The following ADGRG6 variants were observed in gnomAD, a reference collection of about 807,000 sequenced individuals.
ADGRG6 encodes the protein adhesion G protein-coupled receptor G6, also known as G-protein coupled receptor 126.
Under a neutral mutation model 142.4 loss-of-function variants are expected in ADGRG6, and 84 were observed. The ratio of observed to expected loss-of-function variants is 0.59; its 90% CI spans 0.49 to 0.71. The LOEUF is 0.71. ADGRG6 is among the 30% of genes least tolerant of loss of function. The probability of loss-of-function intolerance (pLI) is 0.00; values close to 1 mark genes in which losing one functional copy is unlikely to be tolerated. For missense variants in ADGRG6, 1,367 were observed against 1,466.6 expected (o/e 0.93, Z 1.11); for synonymous variants, 521 against 520.5 (o/e 1.00, Z -0.01).
intron 14 of ADGRG6, 136 bp from the exon 15 acceptor site, chr6:142,405,552 T>C: frequency 1.4e-6 from 1 of 714,802 alleles, no homozygotes; most frequent in Non-Finnish European, 2.5e-6. Flanking sequence ...CAGTGACTAC[T>C]GTAGATACAA....
At chr6:142,394,745 C>G (rs1386437606) in intron 9 of ADGRG6, among the ~76,000 whole-genome samples, 1 of 151,912 alleles carries the variant, frequency 6.6e-6, no homozygotes, top group Non-Finnish European at 1.5e-5. Context: ...GCATACCTGG[C>G]TAATTTTTAA....
chr6:142,393,262 C>T (rs1018083752), intron 8 of ADGRG6, among the ~76,000 whole-genome samples: 1 of 152,076 alleles, frequency 6.6e-6, no homozygotes. Context: ...AAATTAAAAT[C>T]GGATAATTAA....
intron 3 of ADGRG6, among the ~76,000 whole-genome samples, chr6:142,369,604 C>T (rs1445687855): frequency 6.6e-6 from 1 of 152,124 alleles, no homozygotes; most frequent in African/African-American, 2.4e-5. Flanking sequence ...TAGACTCCCT[C>T]TCCTTAATAG....
At chr6:142,354,951 A>G (rs184718753) in intron 2 of ADGRG6, among the ~76,000 whole-genome samples, 90 of 152,328 alleles carry the variant, frequency 5.9e-4, no homozygotes, top group African/African-American at 2.1e-3. Flanking sequence ...GAAGACAATC[A>G]TTTTGATTTC....
chr6:142,386,013 C>T (rs1160428459), intron 6 of ADGRG6, among the ~76,000 whole-genome samples: 2 of 152,100 alleles, frequency 1.3e-5, no homozygotes, highest in African/African-American at 4.8e-5. Context: ...TAACTCTTGG[C>T]TATCAGAATT....
intron 4 of ADGRG6, among the ~76,000 whole-genome samples, chr6:142,371,335 G>T (rs1377662490): frequency 1.3e-5 from 2 of 151,738 alleles, no homozygotes; most frequent in African/African-American, 4.8e-5. Flanking sequence ...GCTAATTTTT[G>T]TATTTTTTTA....
intron 2 of ADGRG6, among the ~76,000 whole-genome samples, chr6:142,315,006 T>TGTGTGTGTGTGTG (rs1158715155): frequency 9.8e-6 from 1 of 102,046 alleles, no homozygotes; most frequent in Non-Finnish European, 2.0e-5. Flanking sequence ...GTGTGTGTGT[T>TGTGTGTGTGTGTG]ATACAGTCTA....
chr6:142,306,546 T>C (rs1777503376), intron 1 of ADGRG6, among the ~76,000 whole-genome samples: 1 of 152,138 alleles, frequency 6.6e-6, no homozygotes, highest in African/African-American at 2.4e-5. Context: ...ACCTGTAAGA[T>C]GATAGGTTTT....
intron 1 of ADGRG6, among the ~76,000 whole-genome samples, chr6:142,307,477 T>G (rs1482890311): frequency 6.7e-6 from 1 of 150,130 alleles, no homozygotes; most frequent in African/African-American, 2.4e-5. Flanking sequence ...ACAGGCCTAT[T>G]CTTCCAAATA....
intron 1 of ADGRG6, among the ~76,000 whole-genome samples, chr6:142,308,569 T>C (rs1469341602): frequency 6.6e-6 from 1 of 152,004 alleles, no homozygotes; most frequent in Admixed American, 6.6e-5. Context: ...TAGTTACTCC[T>C]TGCTAAAATG....
chr6:142,338,047 G>A (rs1403787267), intron 2 of ADGRG6, among the ~76,000 whole-genome samples: 1 of 2,622 alleles, frequency 3.8e-4, no homozygotes, highest in African/African-American at 6.0e-4. Context: ...TTGAGACGGA[G>A]TCTCGCTCTG....
intron 2 of ADGRG6, among the ~76,000 whole-genome samples, chr6:142,335,246 T>G (rs1779256557): frequency 6.6e-6 from 1 of 152,170 alleles, no homozygotes; most frequent in African/African-American, 2.4e-5. Context: ...TGATTTCTTT[T>G]GATGGTTTTG....
At chr6:142,382,925 CT>C (rs1402369747) in intron 5 of ADGRG6, among the ~76,000 whole-genome samples, 1 of 151,948 alleles carries the variant, frequency 6.6e-6, no homozygotes, top group Non-Finnish European at 1.5e-5. Context: ...TCATTATTAT[CT>C]TTTTTTCCTT....
At chr6:142,323,481 A>G (rs1422820373) in intron 2 of ADGRG6, among the ~76,000 whole-genome samples, 2 of 152,140 alleles carry the variant, frequency 1.3e-5, no homozygotes, top group Non-Finnish European at 2.9e-5. Context: ...TAACAGTTAC[A>G]CAGCCAAGTG....
intron 16 of ADGRG6, among the ~76,000 whole-genome samples, chr6:142,409,641 T>C (rs1394757019): frequency 1.3e-5 from 2 of 152,144 alleles, no homozygotes; most frequent in Non-Finnish European, 2.9e-5. Flanking sequence ...TGTAGTAACC[T>C]ACAGATAAAT....
At chr6:142,417,435 C>A in intron 21 of ADGRG6, 66 bp downstream of exon 21, 1 of 743,980 alleles carries the variant, frequency 1.3e-6, no homozygotes, top group Non-Finnish European at 2.3e-6. Context: ...GCATTAATTT[C>A]CATGCCAATA....
chr6:142,385,370 G>A (rs1031580499), intron 6 of ADGRG6, among the ~76,000 whole-genome samples: 2 of 152,096 alleles, frequency 1.3e-5, no homozygotes, highest in South Asian at 2.1e-4. Flanking sequence ...TGTCATCAGC[G>A]TTTAAAAATA....
intron 2 of ADGRG6, among the ~76,000 whole-genome samples, chr6:142,323,251 CAT>C (rs1778604787): frequency 2.0e-5 from 3 of 151,818 alleles, no homozygotes; most frequent in Admixed American, 6.6e-5. Flanking sequence ...AAAAACATCT[CAT>C]GAAAGTGAGA....
rs535522079 is a variant in ADGRG6, at chr6:142,353,418, G to A, written c.104-14151G>A. Among the ~76,000 whole-genome samples, 17 of 152,178 alleles carry A rather than the reference G, an allele frequency of 1.1e-4. No individual in the cohort carries two copies. The East Asian group carries it at 2.5e-3, about 22-fold the overall frequency. On this transcript the variant is annotated intron_variant, in intron 2 of 24. Transcript: ENST00000367609. ...ATTTATATCAAACATTCTTAGTGTA[G>A]GATGTCTCCCTCCCAGCCTTTCCCT... is the stretch of plus-strand genomic sequence containing the variant.
Sources: allele counts gnomAD v4.1 joint callset (sites outside exome capture counted in the v4.1 genomes callset), GRCh38; gene constraint gnomAD v4.1.1; transcripts MANE v1.5; gene names NCBI Gene and HGNC (gene_info 2026-07-23, HGNC 2026-07-21).